PAQR5: variants seen among roughly 807,000 people sequenced by gnomAD.
PAQR5 encodes the protein membrane progestin receptor gamma.
PAQR5 carries 20 observed loss-of-function variants against 34.5 expected under a neutral mutation model. The ratio of observed to expected loss-of-function variants is 0.58; its 90% CI spans 0.41 to 0.84. PAQR5 has a LOEUF of 0.84. Ranked by LOEUF, PAQR5 falls within the 40% of genes least tolerant of loss-of-function variation. The pLI, the probability that PAQR5 is intolerant of heterozygous loss-of-function variation, is 0.00. For synonymous variants in PAQR5, 131 were observed against 155.6 expected (o/e 0.84, Z 1.18); for missense variants, 378 against 412.7 (o/e 0.92, Z 0.73).
At chr15:69,316,417 T>TA (rs34697717) in intron 1 of PAQR5, among the ~76,000 whole-genome samples, 65 of 148,304 alleles carry the variant, frequency 4.4e-4, no homozygotes, top group South Asian at 2.6e-3. Flanking sequence ...CTCAGCCCTT[T>TA]AAAAAAAAAA....
chr15:69,310,036 A>G (rs992576096), intron 1 of PAQR5, among the ~76,000 whole-genome samples: 3 of 145,046 alleles, frequency 2.1e-5, no homozygotes, highest in African/African-American at 5.1e-5. Context: ...TGACAGAGTG[A>G]GACTCCATAT....
chr15:69,331,072 C>T (rs992596341), intron 1 of PAQR5, among the ~76,000 whole-genome samples: 1 of 152,128 alleles, frequency 6.6e-6, no homozygotes, highest in Non-Finnish European at 1.5e-5. Flanking sequence ...GAGAAATAGT[C>T]CTGGGGCGAC....
intron 3 of PAQR5, among the ~76,000 whole-genome samples, chr15:69,371,007 GTTTA>G (rs1474509296): frequency 6.6e-6 from 1 of 152,102 alleles, no homozygotes; most frequent in African/African-American, 2.4e-5. Flanking sequence ...ATTATTACGT[GTTTA>G]TTCCATATAA....
chr15:69,359,032 G>C (rs2055158061), intron 2 of PAQR5, among the ~76,000 whole-genome samples: 1 of 152,122 alleles, frequency 6.6e-6, no homozygotes, highest in Non-Finnish European at 1.5e-5. Context: ...CTGGAGGCTG[G>C]GAAGTCCAAG....
intron 6 of PAQR5, among the ~76,000 whole-genome samples, chr15:69,393,944 C>T (rs1266748176): frequency 1.3e-5 from 2 of 152,108 alleles, no homozygotes; most frequent in African/African-American, 2.4e-5. Context: ...GTGCCCTCTT[C>T]GTGGTTCTTG....
At chr15:69,304,694 C>T (rs932510255) in intron 1 of PAQR5, among the ~76,000 whole-genome samples, 4 of 152,180 alleles carry the variant, frequency 2.6e-5, no homozygotes, top group African/African-American at 7.2e-5. Context: ...GAGTTTTGCC[C>T]AAGCCTCAGA....
chr15:69,341,270 A>G (rs2054634651), intron 2 of PAQR5, among the ~76,000 whole-genome samples: 1 of 148,558 alleles, frequency 6.7e-6, no homozygotes. Context: ...GAATCATACA[A>G]TATTTGTCCC....
chr15:69,404,894 C>T lies in PAQR5; in HGVS notation c.*1072C>T. On this transcript the variant is annotated 3_prime_UTR_variant, in exon 9 of 9. Coordinates refer to ENST00000395407, the MANE Select transcript of PAQR5 (RefSeq NM_017705.4). ...TAAATGTAGGTTTTGTAGAGGAGAT[C>T]TGCACTGGAGCAAGTCTCCCAGATG... The T allele has an allele frequency of 2.5e-6, 1 of 398,490 alleles. No individual in the cohort carries two copies. The highest frequency in any genetic ancestry group is 4.4e-6 in the Non-Finnish European group (1 of 226,016). The allele number at this position is 398,490 out of a possible 1,614,324, so 24.7% of individuals were successfully genotyped here.
intron 6 of PAQR5, among the ~76,000 whole-genome samples, chr15:69,394,822 G>A (rs921481403): frequency 6.6e-6 from 1 of 152,200 alleles, no homozygotes; most frequent in South Asian, 2.1e-4. Flanking sequence ...ACTTGGTAGC[G>A]GACGGCCCCT....
At chr15:69,358,392 G>A (rs574570942) in intron 2 of PAQR5, among the ~76,000 whole-genome samples, 2 of 152,242 alleles carry the variant, frequency 1.3e-5, no homozygotes, top group East Asian at 3.9e-4. Context: ...TTCTGGAAGA[G>A]TTGAGTTGCT....
intron 2 of PAQR5, among the ~76,000 whole-genome samples, chr15:69,343,080 A>T (rs1410775325): frequency 6.6e-6 from 1 of 152,250 alleles, no homozygotes; most frequent in African/African-American, 2.4e-5. Flanking sequence ...AAATCCAGAC[A>T]TCCGGTGGTG....
At chr15:69,308,879 G>A (rs144418041) in intron 1 of PAQR5, among the ~76,000 whole-genome samples, 1 of 152,184 alleles carries the variant, frequency 6.6e-6, no homozygotes, top group African/African-American at 2.4e-5. Context: ...AGTGGTGAAG[G>A]TGGGAGAGAA....
At chr15:69,343,432 G>A (rs1274246940) in intron 2 of PAQR5, among the ~76,000 whole-genome samples, 1 of 151,834 alleles carries the variant, frequency 6.6e-6, no homozygotes, top group African/African-American at 2.4e-5. Flanking sequence ...AAGAAATAGA[G>A]GCAAAAAAAA....
intron 6 of PAQR5, among the ~76,000 whole-genome samples, chr15:69,393,629 C>T (rs1020439757): frequency 1.2e-4 from 18 of 152,148 alleles, no homozygotes; most frequent in East Asian, 3.9e-4. Flanking sequence ...CTGCTCCATC[C>T]GGCTGCAGTT....
At chr15:69,319,739 C>A (rs575817524) in intron 1 of PAQR5, among the ~76,000 whole-genome samples, 2 of 152,088 alleles carry the variant, frequency 1.3e-5, no homozygotes, top group Admixed American at 6.5e-5. Context: ...GAGCTCAGTG[C>A]CCATGGAGCA....
chr15:69,356,293 G>T (rs530293776), intron 2 of PAQR5, among the ~76,000 whole-genome samples: 2 of 152,340 alleles, frequency 1.3e-5, no homozygotes, highest in African/African-American at 4.8e-5. Flanking sequence ...GTGCTTCTAT[G>T]AGTGTGCACG....
Position 69,406,745 on chromosome 15 carries a change from C to T in PAQR5, c.*2923C>T, listed in dbSNP as rs772814669. ...ACTAGCTGGTTGTGGTGGTGCACAC[C>T]TGTGGTCCCAGCTACTGTGGAGGGT... On this transcript the variant is annotated 3_prime_UTR_variant, in exon 9 of 9. Coordinates refer to ENST00000395407, the MANE Select transcript of PAQR5 (RefSeq NM_017705.4). The T allele has an allele frequency of 3.9e-5, 6 of 152,184 alleles. No individual in the cohort carries two copies. The highest frequency in any genetic ancestry group is 5.9e-5 in the Non-Finnish European group (4 of 68,100). 9.4% of individuals were successfully genotyped at this position (152,184 alleles called of 1,614,324 possible). A position where few individuals can be genotyped will look rare whatever the true frequency, so the allele number is the denominator to read the frequency against.
At chr15:69,368,000 GGAA>G (rs1237033175) in intron 3 of PAQR5, among the ~76,000 whole-genome samples, 2 of 152,032 alleles carry the variant, frequency 1.3e-5, no homozygotes, top group Admixed American at 6.5e-5. Context: ...GGCTCAGTTC[GGAA>G]GAGTCCTTCC....
chr15:69,337,743 A>G (rs2054543381), intron 2 of PAQR5, among the ~76,000 whole-genome samples: 1 of 18,138 alleles, frequency 5.5e-5, no homozygotes, highest in African/African-American at 5.9e-5. Flanking sequence ...CAGGCCAAGT[A>G]GAGTAAGACT....
Sources: gnomAD v4.1 joint callset for allele counts (sites outside exome capture counted in the v4.1 genomes callset) on GRCh38, gnomAD v4.1.1 for gene constraint, MANE v1.5 for transcripts, NCBI Gene and HGNC (gene_info 2026-07-23, HGNC 2026-07-21) for gene names.